The following PIBF1 variants were observed in gnomAD, a reference collection of about 807,000 sequenced individuals.
The protein encoded by PIBF1 is progesterone-induced-blocking factor 1.
PIBF1 carries 90 observed loss-of-function variants against 112.5 expected under a neutral mutation model. That is an observed-to-expected ratio of 0.80 (90% CI 0.67 to 0.95). The LOEUF is 0.95. Ranked by LOEUF, PIBF1 falls within the 40% of genes least tolerant of loss-of-function variation. PIBF1 has a pLI of 0.00. For missense variants in PIBF1, 915 were observed against 852.3 expected (o/e 1.07, Z -0.92); for synonymous variants, 301 against 288.6 (o/e 1.04, Z -0.44).
rs117101797 is a variant in PIBF1 at position 72,985,966 on chromosome 13, C to A, written c.2049+12291C>A. Among the ~76,000 whole-genome samples, 1,491 of 152,010 alleles carry A rather than the reference C, an allele frequency of 9.8e-3. 10 individuals are homozygous for A. Among genetic ancestry groups the A allele is most frequent in the Middle Eastern group, 0.017 (5 of 294 alleles). On this transcript the variant is annotated intron_variant, in intron 16 of 17. Coordinates refer to ENST00000326291, the MANE Select transcript of PIBF1 (RefSeq NM_006346.4). ...AGGAGTTGTGTACTAGCCTGGTCAACATAATGAGACTCCATCTCTAGAAAA... is the reference window on the plus strand; with the variant it reads ...AGGAGTTGTGTACTAGCCTGGTCAAAATAATGAGACTCCATCTCTAGAAAA...
At chr13:72,840,689 A>T (rs758226541) in intron 9 of PIBF1, among the ~76,000 whole-genome samples, 1 of 151,806 alleles carries the variant, frequency 6.6e-6, no homozygotes, top group Non-Finnish European at 1.5e-5. Context: ...ACGCCCGGCT[A>T]ATTTTCATAT....
At chr13:73,002,130 CTG>C (rs1218900838) in intron 17 of PIBF1, among the ~76,000 whole-genome samples, 1 of 152,108 alleles carries the variant, frequency 6.6e-6, no homozygotes, top group Non-Finnish European at 1.5e-5. Flanking sequence ...AGGACAGAAA[CTG>C]TATTCCTTTT....
chr13:72,855,398 C>T (rs1018660818), intron 10 of PIBF1, among the ~76,000 whole-genome samples: 1 of 152,084 alleles, frequency 6.6e-6, no homozygotes, highest in Non-Finnish European at 1.5e-5. Context: ...TGCTATCGGG[C>T]TAGGCACTGG....
At chr13:72,942,585 T>A (rs1396545807) in intron 14 of PIBF1, among the ~76,000 whole-genome samples, 1 of 152,220 alleles carries the variant, frequency 6.6e-6, no homozygotes. Context: ...AATTTTTTCA[T>A]GCATGGGCTT....
chr13:72,794,244 A>G (rs2035079277), intron 3 of PIBF1, among the ~76,000 whole-genome samples: 1 of 152,168 alleles, frequency 6.6e-6, no homozygotes, highest in African/African-American at 2.4e-5. Context: ...ATTTCATTGG[A>G]GACAGTAAAA....
At chr13:73,001,239 ATTC>A (rs2043856614) in intron 17 of PIBF1, among the ~76,000 whole-genome samples, 1 of 152,150 alleles carries the variant, frequency 6.6e-6, no homozygotes, top group South Asian at 2.1e-4. Context: ...ATTTTTAGTT[ATTC>A]TTTTGAATAT....
At chr13:72,807,623 T>C (rs2035802598) in intron 5 of PIBF1, among the ~76,000 whole-genome samples, 2 of 152,138 alleles carry the variant, frequency 1.3e-5, no homozygotes, top group Admixed American at 1.3e-4. Context: ...CAAAGTATAA[T>C]CTCAAGTTTG....
chr13:72,976,036 A>G (rs899931305), intron 16 of PIBF1, among the ~76,000 whole-genome samples: 8 of 152,194 alleles, frequency 5.3e-5, no homozygotes, highest in Non-Finnish European at 1.2e-4. Flanking sequence ...ATTACTCATG[A>G]GTCCAAATAA....
intron 8 of PIBF1, 129 bp from the exon 9 acceptor site, chr13:72,835,114 T>C (rs922916115): frequency 4.1e-6 from 2 of 489,572 alleles, no homozygotes. Context: ...ATACTATTAA[T>C]AGTTAAGTTT....
At chr13:73,015,571 T>A (rs1039666148) in intron 17 of PIBF1, among the ~76,000 whole-genome samples, 4 of 152,248 alleles carry the variant, frequency 2.6e-5, no homozygotes, top group Non-Finnish European at 4.4e-5. Context: ...GTCCTTGATT[T>A]TTTTATAATT....
intron 3 of PIBF1, among the ~76,000 whole-genome samples, chr13:72,794,019 A>G (rs1477183831): frequency 2.0e-5 from 3 of 152,224 alleles, no homozygotes; most frequent in African/African-American, 7.2e-5. Context: ...GCGTACAGAC[A>G]GAAGAGGACC....
intron 14 of PIBF1, among the ~76,000 whole-genome samples, chr13:72,947,912 G>A (rs2042192449): frequency 6.6e-6 from 1 of 152,178 alleles, no homozygotes; most frequent in African/African-American, 2.4e-5. Context: ...CCATAAAAAA[G>A]TTCATGTCCT....
intron 14 of PIBF1, among the ~76,000 whole-genome samples, chr13:72,934,112 TTAAAG>T (rs1181209570): frequency 2.6e-5 from 4 of 152,142 alleles, no homozygotes; most frequent in African/African-American, 4.8e-5. Context: ...AATAAAATAT[TTAAAG>T]TATTCTATGG....
chr13:72,800,666 G>C (rs1253584974), intron 5 of PIBF1, among the ~76,000 whole-genome samples: 1 of 152,102 alleles, frequency 6.6e-6, no homozygotes, highest in Non-Finnish European at 1.5e-5. Flanking sequence ...ATTATTCTTG[G>C]TACTTGGGAT....
At chr13:72,931,882 T>G (rs537491354) in intron 14 of PIBF1, among the ~76,000 whole-genome samples, 1 of 150,194 alleles carries the variant, frequency 6.7e-6, no homozygotes, top group Non-Finnish European at 1.5e-5. Context: ...ATTTATTTAT[T>G]TAATATTCCT....
At chr13:72,794,010 C>T (rs891733972) in intron 3 of PIBF1, among the ~76,000 whole-genome samples, 38 of 152,090 alleles carry the variant, frequency 2.5e-4, no homozygotes, top group Admixed American at 2.1e-3. Context: ...CCAAGGAGTG[C>T]GTACAGACAG....
At chr13:73,002,757 A>G (rs909688606) in intron 17 of PIBF1, among the ~76,000 whole-genome samples, 1 of 152,024 alleles carries the variant, frequency 6.6e-6, no homozygotes, top group East Asian at 1.9e-4. Context: ...GCCGAGGCAG[A>G]CGGATCACCT....
chr13:72,960,422 T>C (rs1346197532), intron 14 of PIBF1, among the ~76,000 whole-genome samples: 2 of 152,162 alleles, frequency 1.3e-5, no homozygotes, highest in Non-Finnish European at 2.9e-5. Context: ...TATATGTATA[T>C]ATTAAAACCT....
chr13:72,898,505 A>G (rs1277784595), intron 11 of PIBF1, among the ~76,000 whole-genome samples: 1 of 151,984 alleles, frequency 6.6e-6, no homozygotes, highest in South Asian at 2.1e-4. Context: ...CACAAGGTAA[A>G]TGAAACAAAA....
Sources: gnomAD v4.1 joint callset for allele counts (sites outside exome capture counted in the v4.1 genomes callset) on GRCh38, gnomAD v4.1.1 for gene constraint, MANE v1.5 for transcripts, NCBI Gene and HGNC (gene_info 2026-07-23, HGNC 2026-07-21) for gene names.